The following FHIT variants were observed in gnomAD, a reference collection of about 807,000 sequenced individuals.
FHIT encodes the protein bis(5'-adenosyl)-triphosphatase.
Under a neutral mutation model 17.9 loss-of-function variants are expected in FHIT, and 19 were observed. The ratio of observed to expected loss-of-function variants is 1.06; its 90% CI spans 0.74 to 1.56. FHIT has a LOEUF of 1.56. Ranked by LOEUF, FHIT falls within the 40% of genes most tolerant of loss-of-function variation. The probability of loss-of-function intolerance (pLI) is 0.00; values close to 1 mark genes in which losing one functional copy is unlikely to be tolerated. For synonymous variants in FHIT, 81 were observed against 69.7 expected (o/e 1.16, Z -0.81); for missense variants, 248 against 189.2 (o/e 1.31, Z -1.82).
intron 5 of FHIT, among the ~76,000 whole-genome samples, chr3:60,516,445 G>A (rs1237088260): frequency 6.6e-6 from 1 of 152,104 alleles, no homozygotes; most frequent in African/African-American, 2.4e-5. Context: ...AGTTGGAAAA[G>A]GAACTACTTC....
At chr3:60,337,999 T>C (rs776506246) in intron 5 of FHIT, among the ~76,000 whole-genome samples, 1 of 152,154 alleles carries the variant, frequency 6.6e-6, no homozygotes, top group Non-Finnish European at 1.5e-5. Context: ...AAGTTTCCAT[T>C]TGTAAGGTAA....
chr3:60,841,903 T>C (rs1288864258), intron 3 of FHIT, among the ~76,000 whole-genome samples: 4 of 152,204 alleles, frequency 2.6e-5, no homozygotes, highest in African/African-American at 9.6e-5. Flanking sequence ...GAAGATGTTA[T>C]TTGCAGAAAT....
At chr3:59,814,896 A>G (rs1257130814) in intron 8 of FHIT, among the ~76,000 whole-genome samples, 3 of 152,336 alleles carry the variant, frequency 2.0e-5, no homozygotes, top group East Asian at 1.9e-4. Context: ...GAAAAAAAAT[A>G]TAAGATCATT....
intron 5 of FHIT, among the ~76,000 whole-genome samples, chr3:60,390,407 AAAAAAAAAAAAAAAAAAAAAAC>A (rs1701177075): frequency 9.3e-6 from 1 of 108,062 alleles, no homozygotes; most frequent in Admixed American, 1.1e-4. Flanking sequence ...AAAAAAAAAA[AAAAAAAAAAAAAAAAAAAAAAC>A]CCGTACCCTC....
intron 2 of FHIT, among the ~76,000 whole-genome samples, chr3:61,106,831 T>C (rs571945066): frequency 3.3e-5 from 5 of 152,218 alleles, no homozygotes; most frequent in African/African-American, 1.2e-4. Context: ...TGGCTAATTT[T>C]TGTATTTTTA....
intron 4 of FHIT, among the ~76,000 whole-genome samples, chr3:60,629,902 G>T (rs1478818154): frequency 1.3e-5 from 2 of 152,184 alleles, no homozygotes; most frequent in Non-Finnish European, 2.9e-5. Context: ...AGTATTCTCA[G>T]AGCCTAAAAC....
At chr3:60,632,583 A>C (rs1553682717) in intron 4 of FHIT, among the ~76,000 whole-genome samples, 1 of 152,182 alleles carries the variant, frequency 6.6e-6, no homozygotes, top group Non-Finnish European at 1.5e-5. Flanking sequence ...CTGGCTCACA[A>C]AACTAATCGG....
chr3:60,704,635 T>C (rs1039703776), intron 4 of FHIT, among the ~76,000 whole-genome samples: 20 of 152,134 alleles, frequency 1.3e-4, no homozygotes, highest in African/African-American at 4.8e-4. Context: ...AAAATGAACC[T>C]TTTTTTGCAA....
At chr3:60,148,082 G>C (rs973268575) in intron 5 of FHIT, among the ~76,000 whole-genome samples, 22 of 152,204 alleles carry the variant, frequency 1.4e-4, no homozygotes, top group Non-Finnish European at 2.9e-4. Flanking sequence ...GTAAGACTAA[G>C]AGGAGGGTCC....
At chr3:60,976,493 G>A (rs923682590) in intron 3 of FHIT, among the ~76,000 whole-genome samples, 3 of 151,914 alleles carry the variant, frequency 2.0e-5, no homozygotes, top group Non-Finnish European at 4.4e-5. Context: ...ACAAACAAAC[G>A]AAAAACCATG....
At chr3:60,682,129 G>A (rs6793104) in intron 4 of FHIT, among the ~76,000 whole-genome samples, 8,277 of 151,930 alleles carry the variant, frequency 0.054, 302 homozygotes, top group African/African-American at 0.1. Flanking sequence ...CCACCACTAC[G>A]CCCTGCTAAT....
At chr3:60,076,708 T>C (rs1477484127) in intron 5 of FHIT, among the ~76,000 whole-genome samples, 2 of 151,964 alleles carry the variant, frequency 1.3e-5, no homozygotes, top group African/African-American at 4.8e-5. Flanking sequence ...CTGTTGAGGA[T>C]TCCTACTACA....
chr3:60,471,978 A>C (rs1334341899), intron 5 of FHIT, among the ~76,000 whole-genome samples: 5 of 152,210 alleles, frequency 3.3e-5, no homozygotes, highest in African/African-American at 1.2e-4. Flanking sequence ...ATTGCATGCC[A>C]CAATTACATA....
At chr3:60,849,107 G>GA (rs1703040657) in intron 3 of FHIT, among the ~76,000 whole-genome samples, 1 of 151,990 alleles carries the variant, frequency 6.6e-6, no homozygotes. Context: ...TCCTGAAAGG[G>GA]AAAACCATGT....
chr3:59,952,961 A>C (rs1707196107), intron 7 of FHIT, among the ~76,000 whole-genome samples: 1 of 145,972 alleles, frequency 6.9e-6, no homozygotes, highest in African/African-American at 2.5e-5. Flanking sequence ...CTAGGGGTTC[A>C]CTCCTTCTCT....
At chr3:60,293,499 G>GT (rs1411540079) in intron 5 of FHIT, among the ~76,000 whole-genome samples, 2 of 152,252 alleles carry the variant, frequency 1.3e-5, no homozygotes, top group Admixed American at 1.3e-4. Flanking sequence ...AGCAAACAAC[G>GT]TTTTATTCAT....
chr3:60,547,981 C>A (rs1041381011), intron 4 of FHIT, among the ~76,000 whole-genome samples: 2 of 152,088 alleles, frequency 1.3e-5, no homozygotes, highest in Non-Finnish European at 2.9e-5. Context: ...ATGTTAACAT[C>A]CAACTAAAGT....
chr3:60,876,025 T>C (rs1230729005), intron 3 of FHIT, among the ~76,000 whole-genome samples: 2 of 151,556 alleles, frequency 1.3e-5, no homozygotes, highest in Non-Finnish European at 2.9e-5. Context: ...CAATCAGAGA[T>C]CTCTGAAGAA....
At chr3:60,569,748 T>G (rs1417174538) in intron 4 of FHIT, among the ~76,000 whole-genome samples, 1 of 72,746 alleles carries the variant, frequency 1.4e-5, no homozygotes, top group African/African-American at 5.6e-5. Flanking sequence ...TATATATATA[T>G]ATATATATTT....
Sources: gnomAD v4.1 joint callset for allele counts (sites outside exome capture counted in the v4.1 genomes callset) on GRCh38, gnomAD v4.1.1 for gene constraint, MANE v1.5 for transcripts, NCBI Gene and HGNC (gene_info 2026-07-23, HGNC 2026-07-21) for gene names.